The following RBM27 variants were observed in gnomAD, a reference collection of about 807,000 sequenced individuals.
RBM27 encodes the protein RNA-binding protein 27.
Under a neutral mutation model 135.3 loss-of-function variants are expected in RBM27, and 22 were observed. That is an observed-to-expected ratio of 0.16 (90% CI 0.12 to 0.23). RBM27 has a LOEUF of 0.23. Among genes scored for constraint, RBM27 ranks in the 10% least tolerant of loss-of-function variants. The pLI is 1.00. For missense variants in RBM27, 1,009 were observed against 1,281.0 expected (o/e 0.79, Z 3.24); for synonymous variants, 481 against 442.4 (o/e 1.09, Z -1.10).
chr5:146,277,849 G>C (rs1393039220), intron 19 of RBM27, among the ~76,000 whole-genome samples: 1 of 151,850 alleles, frequency 6.6e-6, no homozygotes, highest in African/African-American at 2.4e-5. Context: ...TTTTCATTAT[G>C]TGGGACAGTG....
rs375122590 is a variant in RBM27, at chr5:146,271,006, C to T, written c.2744C>T (p.Ser915Leu). The stretch of plus-strand genomic sequence containing the variant: ...CTGGACCTCCACAAGAGGCTGTCCT[C>T]AGGAGAAGACACCACAGAATTACGG... Reference protein sequence around the residue: ...TELDLHKRLSSGEDTTELRKK... With the variant: ...TELDLHKRLSLGEDTTELRKK... Residue 915 changes from serine to leucine, a missense_variant, in exon 18 of 21, where the codon TCA becomes TTA. Ser to Leu is a moderately radical substitution (Grantham distance 145). Around this residue, in one of 6 missense-constraint regions of RBM27, gnomAD observed 355 missense variants for 427.3 expected, o/e 0.83. Transcript: ENST00000265271. 4 of 1,613,688 alleles carry T rather than the reference C, an allele frequency of 2.5e-6. No homozygotes were observed. The highest frequency in any genetic ancestry group is 3.4e-6 in the Non-Finnish European group (4 of 1,179,712).
At chr5:146,251,367 G>C (rs1487280564) in intron 8 of RBM27, among the ~76,000 whole-genome samples, 1 of 152,110 alleles carries the variant, frequency 6.6e-6, no homozygotes, top group Non-Finnish European at 1.5e-5. Context: ...GAAAAATTCT[G>C]TGTAATTAAT....
At chr5:146,231,804 G>A (rs1292856907) in intron 6 of RBM27, among the ~76,000 whole-genome samples, 2 of 151,092 alleles carry the variant, frequency 1.3e-5, no homozygotes, top group African/African-American at 4.9e-5. Flanking sequence ...TAGTAGAGAC[G>A]GGGTTTCACC....
intron 15 of RBM27, among the ~76,000 whole-genome samples, chr5:146,268,578 T>TTTTTC (rs538361651): frequency 1.8e-4 from 27 of 152,106 alleles, no homozygotes; most frequent in Middle Eastern, 3.4e-3. Flanking sequence ...GCATGTCACT[T>TTTTTC]TTTTCTTTTC....
At position 146,269,300 on chromosome 5, in the gene RBM27, A is replaced by G. The variant is rs1410268478; in HGVS notation, c.2526+19A>G. The G allele has an allele frequency of 6.4e-7, 1 of 1,570,690 alleles. No homozygotes were observed. The highest frequency in any genetic ancestry group is 8.7e-7 in the Non-Finnish European group (1 of 1,148,432). On this transcript the variant is annotated intron_variant, in intron 16 of 20. Transcript: ENST00000265271. Reference sequence around the variant, plus strand: ...CCAAAAGGTAAGACAAGAGCTCATTATTTGCATGCTAGAATTGATGTATAG... The same window carrying G: ...CCAAAAGGTAAGACAAGAGCTCATTGTTTGCATGCTAGAATTGATGTATAG...
chr5:146,237,207 G>C, intron 7 of RBM27, 91 bp from the exon 8 acceptor site: 1 of 1,496,862 alleles, frequency 6.7e-7, no homozygotes, highest in Non-Finnish European at 9.2e-7. Flanking sequence ...CCACAGTTCT[G>C]GATTACAGGT....
intron 6 of RBM27, 41 bp downstream of exon 6, chr5:146,230,958 C>G (rs1054700200): frequency 1.9e-6 from 3 of 1,597,192 alleles, no homozygotes; most frequent in African/African-American, 1.3e-5. Flanking sequence ...CCCAAAAGTA[C>G]TAGCAGAGCA....
chr5:146,254,580 C>A (rs749250377), intron 9 of RBM27, among the ~76,000 whole-genome samples: 6 of 151,404 alleles, frequency 4.0e-5, no homozygotes, highest in South Asian at 2.1e-4. Context: ...TAAAAAAAAA[C>A]CAGTACAATA....
chr5:146,245,993 T>G (rs1757608388), intron 8 of RBM27, among the ~76,000 whole-genome samples: 1 of 152,228 alleles, frequency 6.6e-6, no homozygotes, highest in African/African-American at 2.4e-5. Context: ...ACATTGTCTA[T>G]TTCAACATAC....
Position 146,229,726 on chromosome 5 carries a change from G to GA in RBM27, c.412dup (p.Arg138LysfsTer10). 6.2e-7 allele frequency: 1 copy of GA among 1,606,300 alleles called. No individual in the cohort carries two copies. On this transcript the variant is annotated frameshift_variant, in exon 5 of 21. Transcript: ENST00000265271. LOFTEE classifies it high-confidence loss of function. ...TATCTGTATATTATAGGACACGTGA[G>GA]AAAAAAAGAGAAGACGGGAAATGGA...
In RBM27 at chr5:146,203,679, C is replaced by G. The variant is rs747039862; in HGVS notation, c.-87C>G. 24 of 1,247,124 alleles carry G rather than the reference C, an allele frequency of 1.9e-5. No homozygotes were observed. Among genetic ancestry groups the G allele is most frequent in the Non-Finnish European group, 2.6e-5 (23 of 875,308 alleles). The allele number at this position is 1,247,124 out of a possible 1,614,324, so 77.3% of individuals were successfully genotyped here. Reference sequence around the variant, plus strand: ...GCCCGGTGGGCTGGGGCACCGGGAGCTGTGAAGGGAACGTGAGGGGGCGGC... The same window carrying G: ...GCCCGGTGGGCTGGGGCACCGGGAGGTGTGAAGGGAACGTGAGGGGGCGGC... On this transcript the variant is annotated 5_prime_UTR_variant, in exon 1 of 21. Coordinates refer to ENST00000265271, the MANE Select transcript of RBM27 (RefSeq NM_018989.2).
At chr5:146,273,253 G>C (rs1758946872) in intron 19 of RBM27, among the ~76,000 whole-genome samples, 1 of 152,150 alleles carries the variant, frequency 6.6e-6, no homozygotes, top group African/African-American at 2.4e-5. Flanking sequence ...GGTCACTGGA[G>C]ACTATATGTA....
intron 4 of RBM27, 33 bp from the exon 5 acceptor site, chr5:146,229,684 C>A: frequency 6.6e-7 from 1 of 1,521,678 alleles, no homozygotes; most frequent in South Asian, 1.2e-5. Flanking sequence ...GTTTCTATAG[C>A]CTGCATATGG....
At chr5:146,260,933 A>G (rs946955740) in intron 12 of RBM27, 35 bp downstream of exon 12, 1 of 1,573,458 alleles carries the variant, frequency 6.4e-7, no homozygotes, top group Non-Finnish European at 8.6e-7. Flanking sequence ...GAATCCAGGC[A>G]TTTTATGGGT....
At chr5:146,214,962 A>T (rs539161966) in intron 1 of RBM27, among the ~76,000 whole-genome samples, 1 of 152,188 alleles carries the variant, frequency 6.6e-6, no homozygotes, top group Non-Finnish European at 1.5e-5. Flanking sequence ...TAGCACTATC[A>T]TATCAAAATG....
intron 8 of RBM27, among the ~76,000 whole-genome samples, chr5:146,241,768 A>AT (rs749639871): frequency 2.0e-5 from 3 of 152,066 alleles, no homozygotes; most frequent in Non-Finnish European, 2.9e-5. Context: ...CTCTAAACTC[A>AT]TTTTTTAAAG....
In RBM27 at chr5:146,267,786, T is replaced by C; in HGVS notation, c.2451+18T>C. 1 of 1,596,852 alleles carries C rather than the reference T, an allele frequency of 6.3e-7. No homozygotes were observed. Among genetic ancestry groups the C allele is most frequent in the South Asian group, 1.2e-5 (1 of 86,584 alleles). On this transcript the variant is annotated intron_variant, in intron 15 of 20. Transcript: ENST00000265271. ...AAAAACAGGTAACAGTCTTGATTCT[T>C]CTTGCCTTACAGAAGAAAAGATGCC...
At chr5:146,229,689 A>G (rs1440852561) in intron 4 of RBM27, 28 bp from the exon 5 acceptor site, 1 of 1,546,880 alleles carries the variant, frequency 6.5e-7, no homozygotes, top group East Asian at 2.2e-5. Context: ...TATAGCCTGC[A>G]TATGGCTTTT....
intron 1 of RBM27, among the ~76,000 whole-genome samples, chr5:146,205,449 T>G (rs962202885): frequency 6.6e-6 from 1 of 151,624 alleles, no homozygotes; most frequent in Non-Finnish European, 1.5e-5. Flanking sequence ...AAATAGGGAG[T>G]AGTTTGGGAG....
Sources: allele counts gnomAD v4.1 joint callset (sites outside exome capture counted in the v4.1 genomes callset), GRCh38; gene constraint gnomAD v4.1.1; regional missense constraint gnomAD v4.1.1; transcripts MANE v1.5; gene names NCBI Gene and HGNC (gene_info 2026-07-23, HGNC 2026-07-21).